SHROOM4: variants seen among roughly 807,000 people sequenced by gnomAD.
The protein encoded by SHROOM4 is shroom family member 4, also known as protein Shroom4.
Under a neutral mutation model 80.3 loss-of-function variants are expected in SHROOM4, and 17 were observed. That is an observed-to-expected ratio of 0.21 (90% CI 0.14 to 0.32). The LOEUF (loss-of-function observed/expected upper bound fraction) is 0.32, where lower values mean the gene tolerates loss of function less well. Ranked by LOEUF, SHROOM4 falls within the 10% of genes least tolerant of loss-of-function variation. The probability of loss-of-function intolerance (pLI) is 1.00; values close to 1 mark genes in which losing one functional copy is unlikely to be tolerated. For synonymous variants in SHROOM4, 400 were observed against 437.5 expected (o/e 0.91, Z 1.07); for missense variants, 993 against 1,140.3 (o/e 0.87, Z 1.86).
intron 1 of SHROOM4, among the ~76,000 whole-genome samples, chrX:50,717,476 A>C (rs889983302): frequency 7.1e-5 from 8 of 112,228 alleles, no homozygotes; most frequent in African/African-American, 2.3e-4. Context: ...CCACCTCGGC[A>C]TCCCAAAGTG....
At position 50,795,064 on chromosome X, in the gene SHROOM4, TATATATATATG is replaced by T. The variant is rs1569549128; in HGVS notation, c.117+18827_117+18837del. On this transcript the variant is annotated intron_variant, in intron 1 of 8. Transcript: ENST00000376020. ...TCATATATATATGATATATATATGA[TATATATATATG>T]ATATATATATATGATATATATATAT... Among the ~76,000 whole-genome samples, 18 of 62,794 alleles carry T rather than the reference TATATATATATG, an allele frequency of 2.9e-4. 4 individuals carry two copies. Among genetic ancestry groups the T allele is most frequent in the African/African-American group, 5.8e-4 (8 of 13,792 alleles). The allele number at this position is 62,794 out of a possible 115,157, so 54.5% of individuals were successfully genotyped here. A position where few individuals can be genotyped will look rare whatever the true frequency, so the allele number is the denominator to read the frequency against.
At chrX:50,739,465 G>T (rs1473512216) in intron 1 of SHROOM4, among the ~76,000 whole-genome samples, 3 of 111,012 alleles carry the variant, frequency 2.7e-5, no homozygotes, top group South Asian at 3.8e-4. Flanking sequence ...AATCTACAAT[G>T]AACTCAAACA....
At position 50,693,307 on chromosome X, in the gene SHROOM4, C is replaced by CT. The variant is rs1557262744; in HGVS notation, c.269+2478dup. 2.7e-5 allele frequency among the ~76,000 whole-genome samples: 3 copies of CT among 111,014 alleles called. No homozygotes were observed. In the East Asian group the frequency reaches 8.5e-4, roughly 32 times the overall value. On this transcript the variant is annotated intron_variant, in intron 2 of 8. Coordinates refer to ENST00000376020, the MANE Select transcript of SHROOM4 (RefSeq NM_020717.5). ...TTTGGCCGGGCGCAGTGCCTTATGCCTGTAATCCCAGCACTTTGGGAGGCT... is the reference window on the plus strand; with the variant it reads ...TTTGGCCGGGCGCAGTGCCTTATGCCTTGTAATCCCAGCACTTTGGGAGGCT...
Position 50,607,513 on chromosome X carries a change from A to G in SHROOM4, c.3629T>C (p.Leu1210Pro). The change falls in exon 6 of 9, where the codon CTC (leucine) becomes CCC (proline). Residue 1210 changes from leucine (L) to proline (P), a missense_variant. Transcript: ENST00000376020. ...SVPAEQESFA[L>P]HSSDFLPPIR... The stretch of plus-strand genomic sequence containing the variant: ...TGGAGGCAAGAAATCACTGGAATGG[A>G]GTGCAAAGGATTCTTGCTCTGCTGG... The G allele has an allele frequency of 3.3e-6, 4 of 1,211,334 alleles. No homozygotes were observed. The highest frequency in any genetic ancestry group is 4.5e-6 in the Non-Finnish European group (4 of 895,442).
chrX:50,629,505 T>C (rs1557253710), intron 4 of SHROOM4, among the ~76,000 whole-genome samples: 6 of 111,760 alleles, frequency 5.4e-5, no homozygotes. Flanking sequence ...GAGAACTCAA[T>C]GACTTGATAC....
chrX:50,621,106 T>C (rs1276086836), intron 5 of SHROOM4, among the ~76,000 whole-genome samples: 1 of 112,097 alleles, frequency 8.9e-6, no homozygotes, highest in Non-Finnish European at 1.9e-5. Context: ...GCGATTCTAC[T>C]GGTCCACTTT....
Position 50,782,207 on chromosome X carries a change from C to CA in SHROOM4, c.117+31694dup, listed in dbSNP as rs372530356. ...TGGGTGACAGAGTGAGAATACATCT[C>CA]AAAAAAAAAAAATCTAATAAAATTA... is the stretch of plus-strand genomic sequence containing the variant. On this transcript the variant is annotated intron_variant, in intron 1 of 8. Transcript: ENST00000376020. 4.5e-3 allele frequency among the ~76,000 whole-genome samples: 436 copies of CA among 96,286 alleles called. 6 individuals carry two copies. The highest frequency in any genetic ancestry group is 4.9e-3 in the Non-Finnish European group (232 of 47,644). The allele number at this position is 96,286 out of a possible 115,157, so 83.6% of individuals were successfully genotyped here. A position where few individuals can be genotyped will look rare whatever the true frequency, so the allele number is the denominator to read the frequency against.
At chrX:50,622,288 T>G (rs1433512982) in intron 5 of SHROOM4, among the ~76,000 whole-genome samples, 1 of 111,625 alleles carries the variant, frequency 9.0e-6, no homozygotes, top group Non-Finnish European at 1.9e-5. Context: ...ACTGTGGTCA[T>G]GCATATAAAA....
At chrX:50,738,529 A>C (rs1215304687) in intron 1 of SHROOM4, among the ~76,000 whole-genome samples, 1 of 111,320 alleles carries the variant, frequency 9.0e-6, no homozygotes, top group East Asian at 2.8e-4. Context: ...TTCTTATACA[A>C]CAATAACAGA....
intron 2 of SHROOM4, among the ~76,000 whole-genome samples, chrX:50,673,232 T>C: frequency 9.0e-6 from 1 of 111,649 alleles, no homozygotes; most frequent in Non-Finnish European, 1.9e-5. Context: ...GTTCTAAATG[T>C]ATGTAAAGGA....
At position 50,595,202 on chromosome X, in the gene SHROOM4, C is replaced by T. The variant is rs1199600033; in HGVS notation, c.*1493G>A. On this transcript the variant is annotated 3_prime_UTR_variant, in exon 9 of 9. Coordinates refer to ENST00000376020, the MANE Select transcript of SHROOM4 (RefSeq NM_020717.5). ...CAGGGCAGCATTTGGCCATAACCCC[C>T]TTCTTGCCATCGTCCACCTGAGGGC... is the stretch of plus-strand genomic sequence containing the variant. The T allele has an allele frequency of 8.8e-6, 1 of 113,261 alleles. No homozygotes were observed. The highest frequency in any genetic ancestry group is 2.8e-4 in the East Asian group (1 of 3,576). The allele number at this position is 113,261 out of a possible 1,213,427, so 9.3% of individuals were successfully genotyped here.
chrX:50,743,176 C>G (rs1934703523), intron 1 of SHROOM4, among the ~76,000 whole-genome samples: 1 of 107,304 alleles, frequency 9.3e-6, no homozygotes, highest in Admixed American at 1.0e-4. Context: ...ACGAGATTCT[C>G]CAGACTCATG....
chrX:50,638,399 C>T, intron 2 of SHROOM4, 91 bp from the exon 3 acceptor site: 1 of 1,094,506 alleles, frequency 9.1e-7, no homozygotes, highest in Non-Finnish European at 1.2e-6. Flanking sequence ...TCTTTTCCTT[C>T]AGTAAAGTAG....
chrX:50,654,903 T>A (rs1473619226), intron 2 of SHROOM4, among the ~76,000 whole-genome samples: 7 of 105,798 alleles, frequency 6.6e-5, no homozygotes, highest in African/African-American at 2.4e-4. Context: ...CTAACCACAG[T>A]ACCCAATAGT....
intron 1 of SHROOM4, among the ~76,000 whole-genome samples, chrX:50,722,498 A>C (rs1934139090): frequency 9.0e-6 from 1 of 111,017 alleles, no homozygotes; most frequent in East Asian, 2.8e-4. Flanking sequence ...CCCTTTAACC[A>C]AGGAAATTAA....
At chrX:50,772,630 G>A (rs1935421458) in intron 1 of SHROOM4, among the ~76,000 whole-genome samples, 3 of 111,867 alleles carry the variant, frequency 2.7e-5, no homozygotes, top group African/African-American at 9.7e-5. Context: ...TTCTAGCTCA[G>A]AGCAAGGTTT....
intron 1 of SHROOM4, among the ~76,000 whole-genome samples, chrX:50,803,006 A>G (rs1272849414): frequency 8.9e-6 from 1 of 112,119 alleles, no homozygotes; most frequent in Admixed American, 9.4e-5. Flanking sequence ...ATTAGCTAAC[A>G]TGGTGAAACC....
At chrX:50,577,505 G>GT in the SHROOM4 span, among the ~76,000 whole-genome samples, 4 of 112,305 alleles carry the variant, frequency 3.6e-5, no homozygotes, top group African/African-American at 3.2e-5. Flanking sequence ...GCTGAGTGAT[G>GT]TTGAGGGTCC....
At chrX:50,758,575 G>A (rs781912334) in intron 1 of SHROOM4, among the ~76,000 whole-genome samples, 2 of 112,092 alleles carry the variant, frequency 1.8e-5, no homozygotes, top group East Asian at 5.6e-4. Context: ...ACTTGGTCAT[G>A]GCGTATAATT....
Sources: allele counts gnomAD v4.1 joint callset (sites outside exome capture counted in the v4.1 genomes callset), GRCh38; gene constraint gnomAD v4.1.1; transcripts MANE v1.5; gene names NCBI Gene and HGNC (gene_info 2026-07-23, HGNC 2026-07-21).